The following JPH1 variants were observed in gnomAD, a reference collection of about 807,000 sequenced individuals.
JPH1 encodes junctophilin-1.
In JPH1, 12 loss-of-function variants were observed where a neutral mutation model predicts 53.6. The ratio of observed to expected loss-of-function variants is 0.22; its 90% confidence interval spans 0.14 to 0.36. The LOEUF (loss-of-function observed/expected upper bound fraction) is 0.36, where lower values mean the gene tolerates loss of function less well. Ranked by LOEUF, JPH1 falls within the 10% of genes least tolerant of loss-of-function variation. The pLI, the probability that JPH1 is intolerant of heterozygous loss-of-function variation, is 1.00. For missense variants in JPH1, 808 were observed against 905.5 expected (o/e 0.89, Z 1.38); for synonymous variants, 375 against 363.8 (o/e 1.03, Z -0.35).
At chr8:74,301,952 C>A (rs1399658099) in intron 2 of JPH1, among the ~76,000 whole-genome samples, 2 of 152,122 alleles carry the variant, frequency 1.3e-5, no homozygotes, top group East Asian at 3.8e-4. Context: ...AATTCCTATC[C>A]CAATTCTCAA....
At chr8:74,259,262 T>G in intron 3 of JPH1, 123 bp downstream of exon 3, 1 of 705,866 alleles carries the variant, frequency 1.4e-6, no homozygotes, top group African/African-American at 1.8e-5. Context: ...CGCCCTTGCT[T>G]GTTTTGTATA....
chr8:74,238,921 G>A (rs909794817), intron 4 of JPH1, among the ~76,000 whole-genome samples: 7 of 152,196 alleles, frequency 4.6e-5, no homozygotes, highest in African/African-American at 1.4e-4. Context: ...GCCTCCCAAA[G>A]TGCTGGGATT....
Position 74,315,506 on chromosome 8 carries a change from G to A in JPH1, c.494C>T (p.Ser165Leu). 1.2e-6 allele frequency: 2 copies of A among 1,605,344 alleles called. No individual in the cohort carries two copies. The highest frequency in any genetic ancestry group is 1.7e-6 in the Non-Finnish European group (2 of 1,177,012). ...IRSPLRTSLA[S>L]LRSEQSNGSV... ...GCCATTGCTCTGCTCGCTGCGCAGCGAGGCCAGCGAGGTACGCAGCGGTGA... is the reference window on the plus strand; with the variant it reads ...GCCATTGCTCTGCTCGCTGCGCAGCAAGGCCAGCGAGGTACGCAGCGGTGA... Residue 165 changes from serine to leucine, a missense_variant, in exon 2 of 6, where the codon TCG (serine) becomes TTG (leucine). Coordinates refer to ENST00000342232, the MANE Select transcript of JPH1 (RefSeq NM_020647.4). This position sits in a 1 kb window ranked among gnomAD's most constrained non-coding sequence, Gnocchi z 6.3.
At chr8:74,281,076 A>T (rs1308873452) in intron 2 of JPH1, among the ~76,000 whole-genome samples, 5 of 152,224 alleles carry the variant, frequency 3.3e-5, no homozygotes, top group Non-Finnish European at 1.5e-5. Flanking sequence ...GGAAATAATT[A>T]AAATGTTATG....
chr8:74,302,125 G>A (rs1162137455), intron 2 of JPH1, among the ~76,000 whole-genome samples: 2 of 152,128 alleles, frequency 1.3e-5, no homozygotes, highest in African/African-American at 2.4e-5. Flanking sequence ...AGACCTGTTG[G>A]GTCTTTTTGT....
intron 3 of JPH1, among the ~76,000 whole-genome samples, chr8:74,254,950 G>A (rs1183365796): frequency 4.6e-5 from 7 of 152,274 alleles, no homozygotes; most frequent in Middle Eastern, 3.4e-3. Context: ...AATCAATATC[G>A]TGAAAATGGG....
At chr8:74,292,120 C>T (rs1363971990) in intron 2 of JPH1, among the ~76,000 whole-genome samples, 1 of 152,104 alleles carries the variant, frequency 6.6e-6, no homozygotes, top group Non-Finnish European at 1.5e-5. Flanking sequence ...CACATGTATA[C>T]ATATGTAACA....
intron 2 of JPH1, among the ~76,000 whole-genome samples, chr8:74,308,313 G>A (rs115634403): frequency 0.012 from 1,755 of 152,314 alleles, 41 homozygotes; most frequent in African/African-American, 0.04. Context: ...TGATGCTCTT[G>A]TTCCCTGGTT....
At chr8:74,238,720 T>C (rs1410981660) in intron 4 of JPH1, among the ~76,000 whole-genome samples, 1 of 152,212 alleles carries the variant, frequency 6.6e-6, no homozygotes, top group Non-Finnish European at 1.5e-5. Context: ...TGCAGTGGTG[T>C]GATCTCAGCT....
rs1398571526 is a variant in JPH1, at chr8:74,237,226, A to G, written c.1983T>C (p.Thr661=). ...TTCTTACCTTTCCTAATTCCAATCA[A>G]GTTAGAAAGTGAACAAAAAGAATGG... ...GLAILFVHFL[T] Residue 661 remains threonine (T), a synonymous_variant, in exon 5 of 6, where the codon ACT becomes ACC. Coordinates refer to ENST00000342232, the MANE Select transcript of JPH1 (RefSeq NM_020647.4). The G allele has an allele frequency of 1.2e-6, 2 of 1,606,848 alleles. No homozygotes were observed. Among genetic ancestry groups the G allele is most frequent in the Non-Finnish European group, 1.7e-6 (2 of 1,174,288 alleles).
chr8:74,296,779 G>A (rs140991678), intron 2 of JPH1, among the ~76,000 whole-genome samples: 18 of 152,110 alleles, frequency 1.2e-4, no homozygotes, highest in African/African-American at 2.4e-4. Flanking sequence ...TATTTATAGC[G>A]TATAACGTGA....
chr8:74,278,180 C>A (rs1260820031), intron 2 of JPH1, among the ~76,000 whole-genome samples: 3 of 152,110 alleles, frequency 2.0e-5, no homozygotes, highest in African/African-American at 7.2e-5. Flanking sequence ...ATGCTGTTCT[C>A]GTGATAGTGA....
intron 2 of JPH1, among the ~76,000 whole-genome samples, chr8:74,264,696 G>T (rs1806483534): frequency 6.6e-6 from 1 of 152,166 alleles, no homozygotes; most frequent in African/African-American, 2.4e-5. Flanking sequence ...TTTTGTCAAT[G>T]AGATAAAAAG....
chr8:74,244,355 A>G (rs1309623308), intron 4 of JPH1, among the ~76,000 whole-genome samples, 174 bp downstream of exon 4: 1 of 152,182 alleles, frequency 6.6e-6, no homozygotes. Flanking sequence ...ATTTCTGCCC[A>G]GAGAGCTCTT....
At chr8:74,303,247 T>C (rs891664220) in intron 2 of JPH1, among the ~76,000 whole-genome samples, 5 of 152,294 alleles carry the variant, frequency 3.3e-5, no homozygotes, top group Admixed American at 6.5e-5. Flanking sequence ...AGCTCAAATC[T>C]CTGAGTTCCA....
chr8:74,253,109 A>C (rs1485960965), intron 3 of JPH1, among the ~76,000 whole-genome samples: 1 of 151,902 alleles, frequency 6.6e-6, no homozygotes, highest in African/African-American at 2.4e-5. Context: ...GCATCACACC[A>C]CACCTATTCC....
intron 2 of JPH1, among the ~76,000 whole-genome samples, chr8:74,299,696 T>C (rs1007375160): frequency 1.3e-5 from 2 of 152,220 alleles, no homozygotes; most frequent in African/African-American, 4.8e-5. Flanking sequence ...CACATATGCA[T>C]ATTTACATAG....
chr8:74,315,477 C>A lies in JPH1; in HGVS notation c.523G>T (p.Val175Leu). 6.2e-7 allele frequency: 1 copy of A among 1,607,634 alleles called. No homozygotes were observed. Among genetic ancestry groups the A allele is most frequent in the Non-Finnish European group, 8.5e-7 (1 of 1,177,744 alleles). ...SLRSEQSNGS[V>L]LHDAAAAADS... ...GCGGCGGCTGCGGCGTCGTGGAGCA[C>A]GCTGCCATTGCTCTGCTCGCTGCGC... Residue 175 changes from valine (V) to leucine (L), a missense_variant, in exon 2 of 6, where the codon GTG becomes TTG. Physicochemically the swap from Val to Leu is conservative, Grantham distance 32. Around this residue, in one of 2 missense-constraint regions of JPH1, gnomAD observed 756 missense variants for 811.9 expected, o/e 0.93. Coordinates refer to ENST00000342232, the MANE Select transcript of JPH1 (RefSeq NM_020647.4). The surrounding 1 kb of genome is among the most constrained non-coding windows in gnomAD (Gnocchi z 6.3).
At chr8:74,303,169 A>C (rs1220500573) in intron 2 of JPH1, among the ~76,000 whole-genome samples, 1 of 152,198 alleles carries the variant, frequency 6.6e-6, no homozygotes, top group South Asian at 2.1e-4. Context: ...ATTACATACA[A>C]GGATTTCCTC....
Sources: gnomAD v4.1 joint callset for allele counts (sites outside exome capture counted in the v4.1 genomes callset) on GRCh38, gnomAD v4.1.1 for gene constraint, gnomAD v4.1.1 regional missense constraint, Gnocchi (gnomAD v3.1) non-coding constraint, MANE v1.5 for transcripts, NCBI Gene and HGNC (gene_info 2026-07-23, HGNC 2026-07-21) for gene names.